CSMD1: variants seen among roughly 807,000 people sequenced by gnomAD.
The protein encoded by CSMD1 is CUB and sushi domain-containing protein 1.
Under a neutral mutation model 417.5 loss-of-function variants are expected in CSMD1, and 213 were observed. The observed-to-expected ratio is 0.51, with a 90% CI of 0.46 to 0.57. The LOEUF is 0.57. Among genes scored for constraint, CSMD1 ranks in the 20% least tolerant of loss-of-function variants. The probability of loss-of-function intolerance (pLI) is 0.00; values close to 1 mark genes in which losing one functional copy is unlikely to be tolerated. For synonymous variants in CSMD1, 2,862 were observed against 1,736.8 expected, an observed-to-expected ratio of 1.65 and a Z score of -16.11; for missense variants, 6,923 against 4,529.7, an observed-to-expected ratio of 1.53 and a Z score of -15.17.
chr8:4,096,389 A>G (rs1801013170), intron 3 of CSMD1, among the ~76,000 whole-genome samples: 1 of 152,092 alleles, frequency 6.6e-6, no homozygotes, highest in Admixed American at 6.6e-5. Context: ...GTGGATGCCT[A>G]TGGCTCTAAT....
chr8:3,564,966 T>A (rs771126298), intron 10 of CSMD1, among the ~76,000 whole-genome samples: 2 of 149,730 alleles, frequency 1.3e-5, no homozygotes, highest in Non-Finnish European at 3.0e-5. Flanking sequence ...AGATTAATGA[T>A]GAATAGCTAA....
intron 5 of CSMD1, among the ~76,000 whole-genome samples, chr8:3,912,281 C>T (rs560475520): frequency 3.3e-5 from 5 of 152,140 alleles, no homozygotes; most frequent in African/African-American, 9.6e-5. Flanking sequence ...AAACAATATA[C>T]GGAGGGTGAA....
chr8:3,704,217 G>A (rs1051079105), intron 7 of CSMD1, among the ~76,000 whole-genome samples: 2 of 152,174 alleles, frequency 1.3e-5, no homozygotes, highest in Non-Finnish European at 2.9e-5. Flanking sequence ...CACAGCTACA[G>A]GCAAAAATAG....
intron 3 of CSMD1, among the ~76,000 whole-genome samples, chr8:4,084,189 A>AT (rs917334663): frequency 2.0e-5 from 3 of 152,226 alleles, no homozygotes; most frequent in South Asian, 2.1e-4. Context: ...TTTAAAATGT[A>AT]TTTTTTCCTG....
In CSMD1 at chr8:3,284,267, G is replaced by C. The variant is rs760317718; in HGVS notation, c.4030C>G (p.Leu1344Val). Residue 1344 changes from leucine to valine, a missense_variant, in exon 26 of 70, where the codon CTG (leucine) becomes GTG (valine). Transcript: ENST00000635120. ...VWDGPVDSDI[L>V]LKEWSGSALP... Reference sequence around the variant, plus strand: ...GCGGAGCCACTCCACTCCTTCAGCAGGATGTCACTGTCCACCGGCCCGTCC... The same window carrying C: ...GCGGAGCCACTCCACTCCTTCAGCACGATGTCACTGTCCACCGGCCCGTCC... 2 of 1,613,948 alleles carry C rather than the reference G, an allele frequency of 1.2e-6. No individual in the cohort carries two copies. Among genetic ancestry groups the C allele is most frequent in the Non-Finnish European group, 8.5e-7 (1 of 1,179,876 alleles).
intron 62 of CSMD1, among the ~76,000 whole-genome samples, chr8:2,958,600 A>G (rs1284759821): frequency 6.6e-6 from 1 of 152,164 alleles, no homozygotes; most frequent in Non-Finnish European, 1.5e-5. Flanking sequence ...AAGATCATCC[A>G]TGGTTCTGTG....
chr8:4,573,724 C>A (rs765176659), intron 2 of CSMD1, among the ~76,000 whole-genome samples: 1 of 152,122 alleles, frequency 6.6e-6, no homozygotes, highest in Non-Finnish European at 1.5e-5. Context: ...GCACCCACAG[C>A]CACTCCTTCC....
chr8:4,516,206 C>T (rs939598124), intron 2 of CSMD1, among the ~76,000 whole-genome samples: 3 of 152,190 alleles, frequency 2.0e-5, no homozygotes, highest in South Asian at 4.1e-4. Flanking sequence ...AACCCAGACA[C>T]ACACAGAGGG....
rs1463469497 is a variant in CSMD1 at position 4,010,594 on chromosome 8, T to C, written c.611-12484A>G. 4.7e-5 allele frequency among the ~76,000 whole-genome samples: 7 copies of C among 149,756 alleles called. No homozygotes were observed. In the East Asian group the frequency reaches 1.2e-3, roughly 25 times the overall value. On this transcript the variant is annotated intron_variant, in intron 4 of 69. Coordinates refer to ENST00000635120, the MANE Select transcript of CSMD1 (RefSeq NM_033225.6). ...TTTCTACAGCTGCAGTCTGACTACATTCTGAGCCCAACTCTCCATACCAGG... is the reference window on the plus strand; with the variant it reads ...TTTCTACAGCTGCAGTCTGACTACACTCTGAGCCCAACTCTCCATACCAGG...
chr8:3,165,594 G>A lies in CSMD1; in HGVS notation c.5726-3317C>T, dbSNP rs1405695705. Among the ~76,000 whole-genome samples the A allele has an allele frequency of 2.6e-5, 4 of 151,868 alleles. No individual in the cohort carries two copies. The East Asian group carries it at 7.7e-4, about 29-fold the overall frequency. ...CTACAGGTGCCCGCCACCACGCCCG[G>A]CTAATTTTTTTATATTTTTAGAAAA... On this transcript the variant is annotated intron_variant, in intron 37 of 69. Transcript: ENST00000635120.
intron 2 of CSMD1, among the ~76,000 whole-genome samples, chr8:4,449,967 C>T (rs143243512): frequency 4.9e-4 from 74 of 152,256 alleles, no homozygotes; most frequent in African/African-American, 1.8e-3. Context: ...CTTGTTTTTC[C>T]ACATTCTGCC....
chr8:3,889,024 T>C (rs1829861), intron 5 of CSMD1, among the ~76,000 whole-genome samples: 93,225 of 151,356 alleles, frequency 0.62, 30,577 homozygotes, highest in South Asian at 0.77. Context: ...ATTACCATAA[T>C]TGCCATTTCA....
intron 7 of CSMD1, among the ~76,000 whole-genome samples, chr8:3,635,266 G>C (rs1796977132): frequency 1.3e-5 from 2 of 151,946 alleles, no homozygotes; most frequent in South Asian, 2.1e-4. Flanking sequence ...ATGAGGTCAG[G>C]TGTTCAAGAC....
At chr8:4,066,438 C>G (rs1172069624) in intron 3 of CSMD1, among the ~76,000 whole-genome samples, 1 of 152,192 alleles carries the variant, frequency 6.6e-6, no homozygotes, top group Non-Finnish European at 1.5e-5. Flanking sequence ...CTTGCACATG[C>G]TAGCTACCCG....
At chr8:4,148,880 C>A (rs1366097277) in intron 3 of CSMD1, among the ~76,000 whole-genome samples, 1 of 152,208 alleles carries the variant, frequency 6.6e-6, no homozygotes, top group African/African-American at 2.4e-5. Context: ...AGAGACACAG[C>A]CTGCATTCCA....
intron 5 of CSMD1, among the ~76,000 whole-genome samples, chr8:3,994,623 T>TA (rs1180634539): frequency 8.0e-5 from 12 of 150,712 alleles, no homozygotes; most frequent in South Asian, 4.2e-4. Flanking sequence ...TCCGACTAGT[T>TA]AAAAAAAAAA....
Position 3,194,408 on chromosome 8 carries a change from CTATTTTATTTTATTT to C in CSMD1, c.5195-4308_5195-4294del, listed in dbSNP as rs201987474. On this transcript the variant is annotated intron_variant, in intron 33 of 69. Transcript: ENST00000635120. Reference sequence around the variant, plus strand: ...TATTTTCAGGAGACCATCTGATTAACTATTTTATTTTATTTTATTTTATTTTATTTTATTTTATTT... The same window carrying C: ...TATTTTCAGGAGACCATCTGATTAACTATTTTATTTTATTTTATTTTATTT... Among the ~76,000 whole-genome samples the C allele has an allele frequency of 3.8e-3, 512 of 134,910 alleles. 3 individuals are homozygous for C. The highest frequency in any genetic ancestry group is 8.1e-3 in the African/African-American group (302 of 37,216). The allele number at this position is 134,910 out of a possible 152,430, so 88.5% of individuals were successfully genotyped here.
intron 5 of CSMD1, among the ~76,000 whole-genome samples, chr8:3,840,643 G>A (rs528913001): frequency 1.8e-4 from 28 of 151,372 alleles, no homozygotes; most frequent in African/African-American, 6.5e-4. Context: ...GCACTTGCTA[G>A]TGTATAGGAT....
rs1018876454 is a variant in CSMD1 at position 4,403,760 on chromosome 8, A to C, written c.415+16193T>G. On this transcript the variant is annotated intron_variant, in intron 3 of 69. Transcript: ENST00000635120. ...ACCTCATCTTACTGCTAGCAACTCC[A>C]CTTACGTTTCCATCTTGATCCTCTC... Among the ~76,000 whole-genome samples the C allele has an allele frequency of 1.1e-4, 16 of 152,076 alleles. No homozygotes were observed. The East Asian group carries it at 2.3e-3, about 22-fold the overall frequency.
Sources: gnomAD v4.1 joint callset for allele counts (sites outside exome capture counted in the v4.1 genomes callset) on GRCh38, gnomAD v4.1.1 for gene constraint, MANE v1.5 for transcripts, NCBI Gene and HGNC (gene_info 2026-07-23, HGNC 2026-07-21) for gene names.